Variants in VMP1 observed in about 807,000 individuals in gnomAD.
VMP1 encodes vacuole membrane protein 1, also known as ectopic P-granules autophagy protein 3 homolog.
In VMP1, 11 loss-of-function variants were observed where a neutral mutation model predicts 56.0. That is an observed-to-expected ratio of 0.20 (90% confidence interval 0.12 to 0.32). The LOEUF (loss-of-function observed/expected upper bound fraction) is 0.32. Ranked by LOEUF, VMP1 falls within the 10% of genes least tolerant of loss-of-function variation. VMP1 has a pLI of 1.00. For synonymous variants in VMP1, 149 were observed against 165.0 expected (o/e 0.90, Z 0.74); for missense variants, 296 against 490.3 (o/e 0.60, Z 3.74).
At chr17:59,812,720 C>G (rs1012474417) in intron 9 of VMP1, among the ~76,000 whole-genome samples, 1 of 151,982 alleles carries the variant, frequency 6.6e-6, no homozygotes, top group Non-Finnish European at 1.5e-5. Flanking sequence ...ATCATGAGGT[C>G]AGGAGATCGA....
chr17:59,734,909 T>TA (rs1260598380), intron 2 of VMP1, among the ~76,000 whole-genome samples: 1 of 142,708 alleles, frequency 7.0e-6, no homozygotes, highest in Non-Finnish European at 1.5e-5. Flanking sequence ...TGCCTTTTTT[T>TA]TTTTTTTTTT....
Position 59,838,378 on chromosome 17 carries a change from G to T in VMP1, c.1058G>T (p.Ser353Ile). ...CAACGGCAGAAGCTTCACCACAAAA[G>T]CGAAATGGGCACACCACAGGTAAGA... ...EAQRQKLHHKSEMGTPQGENW... is the reference protein window; with the variant it reads ...EAQRQKLHHKIEMGTPQGENW... Residue 353 changes from serine (S) to isoleucine (I), a missense_variant, in exon 11 of 12, where the codon AGC (serine) becomes ATC (isoleucine). Ser to Ile is a moderately radical substitution (Grantham distance 142). Around this residue, in one of 4 missense-constraint regions of VMP1, gnomAD observed 95 missense variants for 137.6 expected, o/e 0.69. Coordinates refer to ENST00000262291, the MANE Select transcript of VMP1 (RefSeq NM_030938.5). 6.2e-7 allele frequency: 1 copy of T among 1,614,062 alleles called. No individual in the cohort carries two copies. The highest frequency in any genetic ancestry group is 8.5e-7 in the Non-Finnish European group (1 of 1,179,992).
chr17:59,773,999 A>AG, intron 7 of VMP1, 114 bp downstream of exon 7: 1 of 1,086,392 alleles, frequency 9.2e-7, no homozygotes, highest in Non-Finnish European at 1.2e-6. Flanking sequence ...AAAAAAAAAA[A>AG]AAAGAAAGAA....
chr17:59,799,092 T>G, intron 7 of VMP1, among the ~76,000 whole-genome samples: 1 of 152,222 alleles, frequency 6.6e-6, no homozygotes, highest in East Asian at 1.9e-4. Context: ...TAAATGTTTC[T>G]TACTGTTTCA....
chr17:59,789,606 C>A (rs1568150450), intron 7 of VMP1, among the ~76,000 whole-genome samples: 1 of 151,844 alleles, frequency 6.6e-6, no homozygotes, highest in East Asian at 1.9e-4. Context: ...GTCTGTAAAT[C>A]AGTAACATGC....
chr17:59,817,816 T>A, intron 10 of VMP1, 43 bp downstream of exon 10: 1 of 1,392,672 alleles, frequency 7.2e-7, no homozygotes, highest in Non-Finnish European at 1.0e-6. Flanking sequence ...AATTACTCTT[T>A]AAATGGGAGT....
intron 7 of VMP1, among the ~76,000 whole-genome samples, chr17:59,800,186 A>G (rs2037590078): frequency 6.6e-6 from 1 of 152,220 alleles, no homozygotes; most frequent in Non-Finnish European, 1.5e-5. Flanking sequence ...TTATAACTGC[A>G]TTACAGAAAG....
intron 1 of VMP1, among the ~76,000 whole-genome samples, chr17:59,712,449 T>C (rs1276005971): frequency 6.6e-6 from 1 of 152,242 alleles, no homozygotes; most frequent in Non-Finnish European, 1.5e-5. Flanking sequence ...TGATGTTTCA[T>C]GATGTCTTTT....
intron 1 of VMP1, among the ~76,000 whole-genome samples, chr17:59,720,999 G>C (rs538993741): frequency 1.3e-5 from 2 of 148,768 alleles, no homozygotes; most frequent in African/African-American, 2.5e-5. Flanking sequence ...TCTTAAAGTA[G>C]AGAAGCTAAC....
chr17:59,730,608 A>G (rs1376262071), intron 1 of VMP1, among the ~76,000 whole-genome samples: 2 of 152,182 alleles, frequency 1.3e-5, no homozygotes, highest in African/African-American at 4.8e-5. Context: ...TTAATATTGT[A>G]TTAAGGACTC....
chr17:59,757,226 C>T (rs1015068526), intron 5 of VMP1, among the ~76,000 whole-genome samples: 2 of 148,156 alleles, frequency 1.3e-5, no homozygotes, highest in African/African-American at 5.0e-5. Context: ...TCTTCACTAC[C>T]AGATTAGGAT....
chr17:59,755,389 C>T (rs955411447), intron 5 of VMP1, among the ~76,000 whole-genome samples: 3 of 152,026 alleles, frequency 2.0e-5, no homozygotes, highest in African/African-American at 7.2e-5. Flanking sequence ...GGATTACAGG[C>T]GTGAGCCACC....
chr17:59,714,992 T>G (rs2034097039), intron 1 of VMP1, among the ~76,000 whole-genome samples: 1 of 152,208 alleles, frequency 6.6e-6, no homozygotes, highest in South Asian at 2.1e-4. Context: ...TATTTCTGTA[T>G]TCTCTATTCT....
In VMP1 at chr17:59,735,429, T is replaced by C; in HGVS notation, c.168T>C (p.Tyr56=). The stretch of plus-strand genomic sequence containing the variant: ...GACAGCCGCTCATTACCTTGCAGTA[T>C]TTTTCTCTGGAAATCCTTGTAATCT... The part of the protein sequence containing the change: ...LWRQPLITLQ[Y]FSLEILVILK... Residue 56 remains tyrosine, a synonymous_variant, in exon 3 of 12, where the codon TAT becomes TAC. Transcript: ENST00000262291. The C allele has an allele frequency of 1.2e-6, 2 of 1,614,124 alleles. No homozygotes were observed. Among genetic ancestry groups the C allele is most frequent in the Non-Finnish European group, 1.7e-6 (2 of 1,179,998 alleles).
chr17:59,724,038 C>T (rs2034495595), intron 1 of VMP1, among the ~76,000 whole-genome samples: 1 of 151,668 alleles, frequency 6.6e-6, no homozygotes, highest in South Asian at 2.1e-4. Flanking sequence ...ATGGGGAAAC[C>T]CAGTCTCTAC....
Position 59,840,739 on chromosome 17 carries a change from A to G in VMP1, c.*828A>G, listed in dbSNP as rs754374590. 1 of 152,266 alleles carries G rather than the reference A, an allele frequency of 6.6e-6. No individual in the cohort carries two copies. Among genetic ancestry groups the G allele is most frequent in the African/African-American group, 2.4e-5 (1 of 41,446 alleles). 9.4% of individuals were successfully genotyped at this position (152,266 alleles called of 1,614,324 possible). A position where few individuals can be genotyped will look rare whatever the true frequency, so the allele number is the denominator to read the frequency against. Reference sequence around the variant, plus strand: ...AGCCACTACCAAGGCATGTTTTGTTATGCTGAAACTGGGCTGCTGCATACT... The same window carrying G: ...AGCCACTACCAAGGCATGTTTTGTTGTGCTGAAACTGGGCTGCTGCATACT... On this transcript the variant is annotated 3_prime_UTR_variant, in exon 12 of 12. Coordinates refer to ENST00000262291, the MANE Select transcript of VMP1 (RefSeq NM_030938.5).
chr17:59,838,685 G>T (rs942042691), intron 11 of VMP1: 4 of 312,246 alleles, frequency 1.3e-5, no homozygotes, highest in Non-Finnish European at 2.4e-5. Context: ...TGTATTGGTA[G>T]ATATACTTCC....
At chr17:59,736,924 C>A (rs1459575052) in intron 3 of VMP1, among the ~76,000 whole-genome samples, 1 of 151,988 alleles carries the variant, frequency 6.6e-6, no homozygotes, top group African/African-American at 2.4e-5. Flanking sequence ...ACCTATAGTC[C>A]TAGCAACTTG....
intron 5 of VMP1, among the ~76,000 whole-genome samples, chr17:59,747,413 C>CTTTTTT (rs201448260): frequency 7.3e-6 from 1 of 137,152 alleles, no homozygotes. Flanking sequence ...TTCTTTCTTT[C>CTTTTTT]TTTTTTTTTT....
Sources: allele counts gnomAD v4.1 joint callset (sites outside exome capture counted in the v4.1 genomes callset), GRCh38; gene constraint gnomAD v4.1.1; regional missense constraint gnomAD v4.1.1; transcripts MANE v1.5; gene names NCBI Gene and HGNC (gene_info 2026-07-23, HGNC 2026-07-21).